The following LAMA1 variants were observed in gnomAD, a reference collection of about 807,000 sequenced individuals.
LAMA1 encodes laminin subunit alpha-1.
A neutral mutation model predicts 348.7 loss-of-function variants in LAMA1; 219 were observed. That is an observed-to-expected ratio of 0.63 (90% CI 0.56 to 0.70). The LOEUF (loss-of-function observed/expected upper bound fraction) is 0.70, where lower values mean the gene tolerates loss of function less well. Among genes scored for constraint, LAMA1 ranks in the 30% least tolerant of loss-of-function variants. The pLI is 0.00. For missense variants in LAMA1, 3,744 were observed against 3,888.0 expected, an observed-to-expected ratio of 0.96 and a Z score of 0.99; for synonymous variants, 1,487 against 1,491.0, an observed-to-expected ratio of 1.00 and a Z score of 0.06.
At chr18:7,024,051 T>G (rs2057931508) in intron 18 of LAMA1, among the ~76,000 whole-genome samples, 1 of 149,940 alleles carries the variant, frequency 6.7e-6, no homozygotes, top group South Asian at 2.1e-4. Context: ...ACCACGTTGG[T>G]CAGGCTGGTC....
At position 7,023,168 on chromosome 18, in the gene LAMA1, G is replaced by A; in HGVS notation, c.2697C>T (p.Cys899=). The A allele has an allele frequency of 1.1e-5, 17 of 1,612,150 alleles. No individual in the cohort carries two copies. The highest frequency in any genetic ancestry group is 1.4e-5 in the Non-Finnish European group (16 of 1,179,686). Residue 899 remains cysteine (C), a synonymous_variant, in exon 19 of 63, where the codon TGC becomes TGT. Coordinates refer to ENST00000389658, the MANE Select transcript of LAMA1 (RefSeq NM_005559.4). ...ACTTCACGCTCACGCACTCACCGCG[G>A]CAGTTCTTGGCTGTCACAGCGTCCC... The part of the protein sequence containing the change: ...FYGDAVTAKN[C]RACECHVKGS...
In LAMA1 at chr18:7,017,648, A is replaced by G. The variant is rs187936306; in HGVS notation, c.2702-264T>C. Among the ~76,000 whole-genome samples the G allele has an allele frequency of 3.3e-5, 5 of 152,318 alleles. No homozygotes were observed. In the East Asian group the frequency reaches 9.6e-4, roughly 29 times the overall value. On this transcript the variant is annotated intron_variant, in intron 19 of 62. Transcript: ENST00000389658. The stretch of plus-strand genomic sequence containing the variant: ...TTAGCGAATTCGCTTCACCAATTTC[A>G]TGACTTCCTCGACATATTTTAAATG...
At position 7,050,780 on chromosome 18, in the gene LAMA1, T is replaced by C. The variant is rs764099878; in HGVS notation, c.502A>G (p.Arg168Gly). ...GCCCTGTAGGTGGGTGGCCCTCGTC[T>C]TGGAGTTATATTGTAACGAGACAAA... ...ECLSRYNITP[R>G]RGPPTYRADD... Residue 168 changes from arginine (R) to glycine (G), a missense_variant, in exon 4 of 63, where the codon AGA (arginine) becomes GGA (glycine). By Grantham distance (125) the Arg-to-Gly change is moderately radical. Transcript: ENST00000389658. 2 of 1,614,082 alleles carry C rather than the reference T, an allele frequency of 1.2e-6. No individual in the cohort carries two copies. The highest frequency in any genetic ancestry group is 1.1e-5 in the South Asian group (1 of 91,086).
intron 3 of LAMA1, among the ~76,000 whole-genome samples, chr18:7,072,540 A>G (rs1268368334): frequency 3.3e-5 from 5 of 152,310 alleles, no homozygotes; most frequent in Middle Eastern, 3.4e-3. Context: ...GCTGAGAACC[A>G]AGAATACCTA....
chr18:7,020,231 C>T (rs947273562), intron 19 of LAMA1, among the ~76,000 whole-genome samples: 1 of 152,164 alleles, frequency 6.6e-6, no homozygotes, highest in Admixed American at 6.5e-5. Flanking sequence ...GACGGCCTGT[C>T]CACACCTCCG....
chr18:7,004,490 T>C (rs1010790113), intron 29 of LAMA1, among the ~76,000 whole-genome samples: 2 of 152,114 alleles, frequency 1.3e-5, no homozygotes, highest in African/African-American at 4.8e-5. Context: ...GCAGCTGGGA[T>C]TACATGCATG....
intron 3 of LAMA1, among the ~76,000 whole-genome samples, chr18:7,068,790 TA>T (rs11300833): frequency 0.15 from 21,731 of 145,628 alleles, 5,188 homozygotes; most frequent in African/African-American, 0.5. Flanking sequence ...AGTCAATACA[TA>T]AAAAAGAAAA....
At chr18:6,948,878 G>A (rs539977233) in intron 59 of LAMA1, among the ~76,000 whole-genome samples, 5 of 152,238 alleles carry the variant, frequency 3.3e-5, no homozygotes, top group East Asian at 3.9e-4. Flanking sequence ...ACGTGGCTGC[G>A]GAAAGGGAGA....
At position 7,008,395 on chromosome 18, in the gene LAMA1, A is replaced by G. The variant is rs2057842834; in HGVS notation, c.4122+93T>C. ...AAAAGAGAAAAAAATGATATAGTAG[A>G]TACACATAAGTTCTGTTCATCTCTG... On this transcript the variant is annotated intron_variant, in intron 28 of 62. Transcript: ENST00000389658. 2.1e-6 allele frequency: 3 copies of G among 1,408,464 alleles called. No homozygotes were observed. In the African/African-American group the frequency reaches 4.3e-5, roughly 20 times the overall value. The allele number at this position is 1,408,464 out of a possible 1,614,324, so 87.2% of individuals were successfully genotyped here. A position where few individuals can be genotyped will look rare whatever the true frequency, so the allele number is the denominator to read the frequency against.
At chr18:7,004,023 TGA>T (rs2057820583) in intron 29 of LAMA1, among the ~76,000 whole-genome samples, 1 of 152,162 alleles carries the variant, frequency 6.6e-6, no homozygotes, top group Non-Finnish European at 1.5e-5. Flanking sequence ...TATTAGATGA[TGA>T]GAGAGAATTG....
intron 44 of LAMA1, 79 bp downstream of exon 44, chr18:6,977,648 G>A (rs1056949771): frequency 7.1e-6 from 11 of 1,554,974 alleles, no homozygotes; most frequent in East Asian, 6.8e-5. Context: ...GTGTGACTGA[G>A]GGCCATGTCT....
intron 1 of LAMA1, among the ~76,000 whole-genome samples, chr18:7,097,553 A>G (rs1357193752): frequency 6.6e-6 from 1 of 151,334 alleles, no homozygotes; most frequent in Non-Finnish European, 1.5e-5. Flanking sequence ...TTGGAAATAC[A>G]AATGACCTAG....
In LAMA1 at chr18:6,957,974, G is replaced by A. The variant is rs370768742; in HGVS notation, c.7964+503C>T. 7.4e-4 allele frequency among the ~76,000 whole-genome samples: 113 copies of A among 152,170 alleles called. 1 individual carries two copies. Among genetic ancestry groups the A allele is most frequent in the African/African-American group, 2.6e-3 (107 of 41,520 alleles). The stretch of plus-strand genomic sequence containing the variant: ...TTTTTGTATTTTTAGTAGAGACGGG[G>A]TTTCACTATGTTGGCCAGGCTGGTC... On this transcript the variant is annotated intron_variant, in intron 55 of 62. Transcript: ENST00000389658.
chr18:6,955,107 C>A, intron 57 of LAMA1: 1 of 536,330 alleles, frequency 1.9e-6, no homozygotes, highest in Non-Finnish European at 3.3e-6. Flanking sequence ...TACATGCACA[C>A]AGAAAGGGGA....
intron 46 of LAMA1, among the ~76,000 whole-genome samples, chr18:6,974,455 C>CTTTTTTTT (rs1213269695): frequency 7.8e-6 from 1 of 128,294 alleles, no homozygotes; most frequent in African/African-American, 2.9e-5. Context: ...TATTTCTTTT[C>CTTTTTTTT]TTTTTTTTTT....
At chr18:7,043,887 G>A (rs556480343) in intron 7 of LAMA1, among the ~76,000 whole-genome samples, 2 of 152,300 alleles carry the variant, frequency 1.3e-5, no homozygotes, top group African/African-American at 4.8e-5. Context: ...TGGGCGCCAT[G>A]GCACACGCCT....
chr18:6,947,354 A>G (rs2057526723), intron 60 of LAMA1, 58 bp from the exon 61 acceptor site: 10 of 1,610,164 alleles, frequency 6.2e-6, no homozygotes, highest in Non-Finnish European at 8.5e-6. Context: ...CAGGTTGAGC[A>G]TTTGGCCTCC....
At chr18:7,016,978 T>C (rs2144127388) in intron 20 of LAMA1, among the ~76,000 whole-genome samples, 1 of 152,308 alleles carries the variant, frequency 6.6e-6, no homozygotes, top group African/African-American at 2.4e-5. Context: ...CTGGTGATAG[T>C]GAATTCTCAT....
intron 1 of LAMA1, among the ~76,000 whole-genome samples, chr18:7,101,694 G>T (rs2058291791): frequency 6.6e-6 from 1 of 152,114 alleles, no homozygotes; most frequent in Non-Finnish European, 1.5e-5. Flanking sequence ...TAGAGATGGG[G>T]TCTCACCCTG....
Sources: allele counts gnomAD v4.1 joint callset (sites outside exome capture counted in the v4.1 genomes callset), GRCh38; gene constraint gnomAD v4.1.1; transcripts MANE v1.5; gene names NCBI Gene and HGNC (gene_info 2026-07-23, HGNC 2026-07-21).